The following ST7L variants were observed in gnomAD, a reference collection of about 807,000 sequenced individuals.
ST7L encodes the protein suppressor of tumorigenicity 7 protein-like.
In ST7L, 57 loss-of-function variants were observed where a neutral mutation model predicts 72.5. That is an observed-to-expected ratio of 0.79 (90% CI 0.64 to 0.98). ST7L has a LOEUF of 0.98. Ranked by LOEUF, ST7L falls within the 50% of genes least tolerant of loss-of-function variation. The pLI, the probability that ST7L is intolerant of heterozygous loss-of-function variation, is 0.00. For missense variants in ST7L, 576 were observed against 672.2 expected (o/e 0.86, Z 1.58); for synonymous variants, 221 against 240.9 (o/e 0.92, Z 0.77).
At chr1:112,588,041 T>G (rs571729507) in intron 6 of ST7L, among the ~76,000 whole-genome samples, 24 of 152,268 alleles carry the variant, frequency 1.6e-4, no homozygotes, top group Non-Finnish European at 2.4e-4. Context: ...CCTAAGTATT[T>G]AAATCTTTCT....
intron 14 of ST7L, among the ~76,000 whole-genome samples, chr1:112,532,327 G>A (rs1654519849): frequency 6.6e-6 from 1 of 152,244 alleles, no homozygotes; most frequent in South Asian, 2.1e-4. Context: ...AGCTGTGGCT[G>A]TACTCTTGAT....
rs77440819 is a variant in ST7L at position 112,568,330 on chromosome 1, A to T, written c.1245+8656T>A. On this transcript the variant is annotated intron_variant, in intron 11 of 14. Coordinates refer to ENST00000358039, the MANE Select transcript of ST7L (RefSeq NM_017744.5). ...AGTGTCAATGGTCTACTGTAATAAT[A>T]TTTTTTTTTTTTTTTTTTTTTTGTG... Among the ~76,000 whole-genome samples, 353 of 116,928 alleles carry T rather than the reference A, an allele frequency of 3.0e-3. 3 individuals carry two copies. The highest frequency in any genetic ancestry group is 5.1e-3 in the African/African-American group (149 of 28,978). The allele number at this position is 116,928 out of a possible 152,430, so 76.7% of individuals were successfully genotyped here.
chr1:112,619,583 C>T (rs779182044), upstream of ST7L: 48 of 532,456 alleles, frequency 9.0e-5, no homozygotes, highest in Middle Eastern at 1.5e-3. Context: ...GCTGCCAGCG[C>T]CCATTAGATG....
intron 13 of ST7L, among the ~76,000 whole-genome samples, chr1:112,544,119 G>A (rs1482497049): frequency 2.0e-5 from 3 of 152,158 alleles, no homozygotes; most frequent in African/African-American, 7.2e-5. Flanking sequence ...CTCAATAAAT[G>A]TCTGCTAAAC....
chr1:112,554,949 T>C (rs963799789), intron 12 of ST7L, among the ~76,000 whole-genome samples: 7 of 152,046 alleles, frequency 4.6e-5, no homozygotes, highest in Non-Finnish European at 8.8e-5. Context: ...AGAGACAAAG[T>C]AGAATGGTGG....
intron 5 of ST7L, among the ~76,000 whole-genome samples, chr1:112,596,195 T>G (rs1010701882): frequency 2.0e-5 from 3 of 152,260 alleles, no homozygotes; most frequent in African/African-American, 7.2e-5. Context: ...TACTCCTTTA[T>G]TGCAATTAAA....
chr1:112,611,090 T>C, intron 2 of ST7L, 87 bp from the exon 3 acceptor site: 1 of 1,332,832 alleles, frequency 7.5e-7, no homozygotes, highest in South Asian at 1.5e-5. Context: ...GATGTCCTGT[T>C]CAATTCAGCA....
downstream of ST7L, chr1:112,520,550 C>G (rs1476741681): frequency 1.3e-6 from 2 of 1,596,914 alleles, no homozygotes. Context: ...TCAAGCCTCT[C>G]AACTCAAAAG....
chr1:112,617,046 A>G (rs958541671), intron 1 of ST7L, 151 bp from the exon 2 acceptor site: 4 of 486,788 alleles, frequency 8.2e-6, no homozygotes, highest in African/African-American at 8.1e-5. Context: ...TTGTATATAT[A>G]TTATACATAA....
At chr1:112,597,251 G>A (rs1332896906) in intron 5 of ST7L, among the ~76,000 whole-genome samples, 2 of 152,206 alleles carry the variant, frequency 1.3e-5, no homozygotes, top group African/African-American at 4.8e-5. Context: ...TTTGGATAAT[G>A]AAGGATAAAA....
At chr1:112,617,626 C>G (rs1474989777) in intron 1 of ST7L, among the ~76,000 whole-genome samples, 1 of 151,758 alleles carries the variant, frequency 6.6e-6, no homozygotes, top group African/African-American at 2.4e-5. Context: ...GCCAGAGGAT[C>G]GCTTAAGCAG....
rs571624126 is a variant in ST7L at position 112,554,760 on chromosome 1, T to TA, written c.1396+1107dup. ...ATCTGTTCATTAACAGATGAATGGA[T>TA]AAAAAAAATGTGATATATACATACA... is the stretch of plus-strand genomic sequence containing the variant. On this transcript the variant is annotated intron_variant, in intron 12 of 14. Transcript: ENST00000358039. Among the ~76,000 whole-genome samples, 874 of 151,932 alleles carry TA rather than the reference T, an allele frequency of 5.8e-3. 5 individuals are homozygous for TA. Among genetic ancestry groups the TA allele is most frequent in the African/African-American group, 0.019 (787 of 41,438 alleles).
At chr1:112,561,471 T>C (rs1660126715) in intron 11 of ST7L, among the ~76,000 whole-genome samples, 1 of 151,878 alleles carries the variant, frequency 6.6e-6, no homozygotes, top group African/African-American at 2.4e-5. Flanking sequence ...CCTTCCTGTC[T>C]CTATACAGAT....
intron 11 of ST7L, chr1:112,570,866 A>G: frequency 2.3e-6 from 1 of 434,578 alleles, no homozygotes; most frequent in Non-Finnish European, 4.6e-6. Flanking sequence ...AACTTCTCCA[A>G]AAGTTTTGGC....
At chr1:112,552,691 A>G (rs1658432699) in intron 12 of ST7L, among the ~76,000 whole-genome samples, 1 of 152,230 alleles carries the variant, frequency 6.6e-6, no homozygotes, top group Non-Finnish European at 1.5e-5. Context: ...GGCGTGAACC[A>G]CCATGCCCAG....
Position 112,618,922 on chromosome 1 carries a change from C to A in ST7L, c.192G>T (p.Glu64Asp). 1 of 1,564,640 alleles carries A rather than the reference C, an allele frequency of 6.4e-7. No individual in the cohort carries two copies. Among genetic ancestry groups the A allele is most frequent in the Non-Finnish European group, 8.7e-7 (1 of 1,154,740 alleles). Residue 64 changes from glutamate (E) to aspartate (D), a missense_variant, in exon 1 of 15, where the codon GAG becomes GAT. By Grantham distance (45) the Glu-to-Asp change is conservative (BLOSUM62 2). This residue lies in a region of ST7L where 511 missense variants were observed against 600.7 expected (regional missense o/e 0.85). Coordinates refer to ENST00000358039, the MANE Select transcript of ST7L (RefSeq NM_017744.5). ...TGGTCCTCTCACCCGCTGCCAAATTCTCACACAGCCTCAAAGGGATCCTCA... is the reference window on the plus strand; with the variant it reads ...TGGTCCTCTCACCCGCTGCCAAATTATCACACAGCCTCAAAGGGATCCTCA... ...YALRIPLRLCENLAAVTVFLN... is the reference protein window; with the variant it reads ...YALRIPLRLCDNLAAVTVFLN...
chr1:112,526,098 CAG>C lies in ST7L; in HGVS notation c.1641_1642del (p.Trp548ValfsTer11). 3 of 1,614,136 alleles carry C rather than the reference CAG, an allele frequency of 1.9e-6. No individual in the cohort carries two copies. The highest frequency in any genetic ancestry group is 2.5e-6 in the Non-Finnish European group (3 of 1,180,012). ...TGAGGATGCCCAGGGTTGGGGGCACCAGAGTCCCAGCACCTTCAAAACAGAAA... is the reference window on the plus strand; with the variant it reads ...TGAGGATGCCCAGGGTTGGGGGCACCAGTCCCAGCACCTTCAAAACAGAAA... On this transcript the variant is annotated frameshift_variant, in exon 15 of 15. Transcript: ENST00000358039. LOFTEE classifies it low-confidence loss of function (END_TRUNC).
chr1:112,617,814 T>C (rs1670151765), intron 1 of ST7L, among the ~76,000 whole-genome samples: 1 of 152,006 alleles, frequency 6.6e-6, no homozygotes, highest in African/African-American at 2.4e-5. Context: ...ATGTTGCATA[T>C]GGTTAACGTA....
chr1:112,594,525 G>A (rs1666153339), intron 5 of ST7L, among the ~76,000 whole-genome samples: 1 of 152,124 alleles, frequency 6.6e-6, no homozygotes, highest in African/African-American at 2.4e-5. Context: ...TTGCTCCTAG[G>A]GGAAGGTCCC....
Sources: allele counts gnomAD v4.1 joint callset (sites outside exome capture counted in the v4.1 genomes callset), GRCh38; gene constraint gnomAD v4.1.1; regional missense constraint gnomAD v4.1.1; transcripts MANE v1.5; gene names NCBI Gene and HGNC (gene_info 2026-07-23, HGNC 2026-07-21).